RNF152: variants seen among roughly 807,000 people sequenced by gnomAD.
RNF152 encodes E3 ubiquitin-protein ligase RNF152.
In RNF152, 11 loss-of-function variants were observed where a neutral mutation model predicts 12.7. That is an observed-to-expected ratio of 0.86 (90% CI 0.54 to 1.43). The LOEUF is 1.43. Ranked by LOEUF, RNF152 falls within the 40% of genes most tolerant of loss-of-function variation. The pLI is 0.00. For missense variants in RNF152, 255 were observed against 274.8 expected, an observed-to-expected ratio of 0.93 and a Z score of 0.51; for synonymous variants, 113 against 120.3, an observed-to-expected ratio of 0.94 and a Z score of 0.40.
At chr18:61,882,082 G>A (rs561872496) in intron 1 of RNF152, among the ~76,000 whole-genome samples, 1 of 152,278 alleles carries the variant, frequency 6.6e-6, no homozygotes, top group African/African-American at 2.4e-5. Context: ...AACTTTTTGA[G>A]TGCAAACATG....
At position 61,809,099 on chromosome 18, in the gene RNF152, T is replaced by C. The variant is rs532640311; in HGVS notation, c.*6753A>G. ...TGCCATATCTGGCCTTCAGCTCCTA[T>C]ATGTCTTGTTTTGCAGCTATACTCT... On this transcript the variant is annotated 3_prime_UTR_variant, in exon 2 of 2. Coordinates refer to ENST00000312828, the MANE Select transcript of RNF152 (RefSeq NM_173557.3). 6.6e-6 allele frequency: 1 copy of C among 152,424 alleles called. No individual in the cohort carries two copies. The highest frequency in any genetic ancestry group is 1.9e-4 in the East Asian group (1 of 5,190). The allele number at this position is 152,424 out of a possible 1,614,324, so 9.4% of individuals were successfully genotyped here.
In RNF152 at chr18:61,816,530, G is replaced by A. The variant is rs114618405; in HGVS notation, c.-67C>T. ...AAGGAGCTGCTTCTCAGAGGCCACC[G>A]CCCTGTGTCTTTGCAGTGCAGGTAA... On this transcript the variant is annotated 5_prime_UTR_variant, in exon 2 of 2. Transcript: ENST00000312828. The A allele has an allele frequency of 1.4e-3, 2,080 of 1,532,076 alleles. 18 individuals are homozygous for A. The African/African-American group carries it at 0.022, about 16-fold the overall frequency. 94.9% of individuals were successfully genotyped at this position (1,532,076 alleles called of 1,614,324 possible).
At chr18:61,830,152 G>C (rs1909872765) in intron 1 of RNF152, among the ~76,000 whole-genome samples, 2 of 151,860 alleles carry the variant, frequency 1.3e-5, no homozygotes, top group Non-Finnish European at 1.5e-5. Flanking sequence ...CTCCCGGGTA[G>C]CTGGGACTAC....
chr18:61,823,262 GAAGCA>G (rs1197910576), intron 1 of RNF152, among the ~76,000 whole-genome samples: 2 of 152,196 alleles, frequency 1.3e-5, no homozygotes, highest in Admixed American at 1.3e-4. Flanking sequence ...TGTATTTGAT[GAAGCA>G]AAGAATCCAG....
intron 1 of RNF152, among the ~76,000 whole-genome samples, chr18:61,839,745 A>C (rs1910363544): frequency 6.6e-6 from 1 of 151,984 alleles, no homozygotes; most frequent in African/African-American, 2.4e-5. Flanking sequence ...AATACAAAAA[A>C]ATTGCTGGGC....
intron 1 of RNF152, among the ~76,000 whole-genome samples, chr18:61,844,756 G>A (rs904690605): frequency 3.3e-5 from 5 of 152,090 alleles, no homozygotes; most frequent in African/African-American, 1.2e-4. Context: ...TACCTCTAAT[G>A]AGGGCAGTAA....
intron 1 of RNF152, among the ~76,000 whole-genome samples, chr18:61,885,549 C>T (rs1044078742): frequency 3.3e-5 from 5 of 152,120 alleles, no homozygotes; most frequent in South Asian, 2.1e-4. Flanking sequence ...CTCAAGTAAT[C>T]CACCCGCCTC....
chr18:61,826,208 T>C (rs1322899363), intron 1 of RNF152, among the ~76,000 whole-genome samples: 2 of 152,200 alleles, frequency 1.3e-5, no homozygotes, highest in African/African-American at 4.8e-5. Flanking sequence ...TTGTGGGGCA[T>C]CCCTTACCTG....
chr18:61,851,472 C>T (rs1416482344), intron 1 of RNF152, among the ~76,000 whole-genome samples: 1 of 152,178 alleles, frequency 6.6e-6, no homozygotes, highest in African/African-American at 2.4e-5. Flanking sequence ...CACTCAGGAA[C>T]TGTGCCCAGT....
At chr18:61,860,088 G>A (rs1199751418) in intron 1 of RNF152, among the ~76,000 whole-genome samples, 2 of 152,062 alleles carry the variant, frequency 1.3e-5, no homozygotes, top group African/African-American at 2.4e-5. Flanking sequence ...TGTGATGACA[G>A]GAGCCAAAAG....
intron 1 of RNF152, among the ~76,000 whole-genome samples, chr18:61,884,049 C>T (rs775183539): frequency 4.6e-5 from 7 of 152,174 alleles, no homozygotes; most frequent in Non-Finnish European, 1.0e-4. Flanking sequence ...GCCTATTCAT[C>T]CCGATATTTC....
intron 1 of RNF152, among the ~76,000 whole-genome samples, chr18:61,832,327 T>C (rs1427353339): frequency 6.6e-6 from 1 of 152,184 alleles, no homozygotes; most frequent in South Asian, 2.1e-4. Context: ...CACATGTATA[T>C]ATGTACTACT....
At chr18:61,824,554 T>G (rs1414370861) in intron 1 of RNF152, among the ~76,000 whole-genome samples, 1 of 152,242 alleles carries the variant, frequency 6.6e-6, no homozygotes, top group Non-Finnish European at 1.5e-5. Flanking sequence ...TTCAGCTTAA[T>G]GAGTGCATCT....
At chr18:61,834,198 G>A (rs553235372) in intron 1 of RNF152, among the ~76,000 whole-genome samples, 2 of 152,172 alleles carry the variant, frequency 1.3e-5, no homozygotes, top group Admixed American at 6.5e-5. Flanking sequence ...TCTCTAAGCC[G>A]TTCTTTCTCT....
chr18:61,816,002 C>T lies in RNF152; in HGVS notation c.462G>A (p.Glu154=). 1 of 1,614,188 alleles carries T rather than the reference C, an allele frequency of 6.2e-7. No homozygotes were observed. Among genetic ancestry groups the T allele is most frequent in the Non-Finnish European group, 8.5e-7 (1 of 1,180,000 alleles). ...TTTTCACCACGCCCCGCCTGTCCTGCTCCTCCTCCACCGCCTCCTGGGGAG... is the reference window on the plus strand; with the variant it reads ...TTTTCACCACGCCCCGCCTGTCCTGTTCCTCCTCCACCGCCTCCTGGGGAG... ...GGAPQEAVEE[E]QDRRGVVKSS... is the part of the protein sequence containing the mutation. Residue 154 remains glutamate (E), a synonymous_variant, in exon 2 of 2, where the codon GAG becomes GAA. Coordinates refer to ENST00000312828, the MANE Select transcript of RNF152 (RefSeq NM_173557.3).
chr18:61,816,140 C>A lies in RNF152; in HGVS notation c.324G>T (p.Lys108Asn), dbSNP rs369621346. The A allele has an allele frequency of 6.9e-5, 111 of 1,614,086 alleles. No individual in the cohort carries two copies. The highest frequency in any genetic ancestry group is 9.0e-5 in the Non-Finnish European group (106 of 1,180,032). ...TGTCTCCGGGCAGCAGCGCACGCTC[C>A]TTGGAGATGGGCAGGGGCAGCATGT... Reference protein sequence around the residue: ...GCYMLPLPISKERALLPGDMG... With the variant: ...GCYMLPLPISNERALLPGDMG... Residue 108 changes from lysine to asparagine, a missense_variant, in exon 2 of 2, where the codon AAG (lysine) becomes AAT (asparagine). By Grantham distance (94) the Lys-to-Asn change is moderately conservative. Transcript: ENST00000312828.
chr18:61,886,298 A>G (rs1912694127), intron 1 of RNF152, among the ~76,000 whole-genome samples: 1 of 152,182 alleles, frequency 6.6e-6, no homozygotes, highest in Non-Finnish European at 1.5e-5. Context: ...CTGTGTTGTC[A>G]AAGAGTCACC....
intron 1 of RNF152, among the ~76,000 whole-genome samples, chr18:61,849,814 G>A (rs765057058): frequency 1.3e-4 from 20 of 151,922 alleles, no homozygotes; most frequent in Non-Finnish European, 2.4e-4. Flanking sequence ...CCATCCTCCC[G>A]CCTCAGCCTC....
intron 1 of RNF152, among the ~76,000 whole-genome samples, chr18:61,861,829 T>C (rs1047840497): frequency 2.0e-5 from 3 of 152,104 alleles, no homozygotes; most frequent in African/African-American, 4.8e-5. Flanking sequence ...TGGAAACTAA[T>C]AGAGTGAGAA....
Sources: allele counts gnomAD v4.1 joint callset (sites outside exome capture counted in the v4.1 genomes callset), GRCh38; gene constraint gnomAD v4.1.1; transcripts MANE v1.5; gene names NCBI Gene and HGNC (gene_info 2026-07-23, HGNC 2026-07-21).